Variants in FBXO41 observed in about 807,000 individuals in gnomAD.
FBXO41 encodes the protein F-box only protein 41.
FBXO41 carries 33 observed loss-of-function variants against 81.6 expected under a neutral mutation model. The ratio of observed to expected loss-of-function variants is 0.40; its 90% CI spans 0.31 to 0.54. The LOEUF (loss-of-function observed/expected upper bound fraction) is 0.54, where lower values mean the gene tolerates loss of function less well. Ranked by LOEUF, FBXO41 falls within the 20% of genes least tolerant of loss-of-function variation. The pLI, the probability that FBXO41 is intolerant of heterozygous loss-of-function variation, is 0.39. For missense variants in FBXO41, 1,107 were observed against 1,236.0 expected (o/e 0.90, Z 1.56); for synonymous variants, 576 against 552.7 (o/e 1.04, Z -0.59).
intron 1 of FBXO41, among the ~76,000 whole-genome samples, chr2:73,277,120 G>A (rs982061516): frequency 6.6e-6 from 1 of 152,212 alleles, no homozygotes; most frequent in African/African-American, 2.4e-5. Context: ...AGGGGAAGGG[G>A]AAAGTCTGGG....
rs76746587 is a variant in FBXO41 at position 73,280,645 on chromosome 2, T to G, written c.-139+3515A>C. On this transcript the variant is annotated intron_variant, in intron 1 of 12. Transcript: ENST00000520530. ...CTGAATTCTGCAGGCCCAGCTCAAATGCTACCTTTTCCATCAAGCCTTCCT... is the reference window on the plus strand; with the variant it reads ...CTGAATTCTGCAGGCCCAGCTCAAAGGCTACCTTTTCCATCAAGCCTTCCT... Among the ~76,000 whole-genome samples the G allele has an allele frequency of 2.6e-4, 39 of 152,356 alleles. 1 individual carries two copies. In the East Asian group the frequency reaches 7.5e-3, roughly 29 times the overall value.
intron 9 of FBXO41, among the ~76,000 whole-genome samples, chr2:73,261,705 A>C (rs1688027826): frequency 6.6e-6 from 1 of 152,210 alleles, no homozygotes; most frequent in African/African-American, 2.4e-5. Flanking sequence ...ATGCAAAAAA[A>C]CCTAAATTCC....
chr2:73,255,804 G>A lies in FBXO41; in HGVS notation c.*3178C>T, dbSNP rs1415452806. Reference sequence around the variant, plus strand: ...TGGAGTAGCAGGCCTTGGGAAGGAGGACTTTTTTTTGTTTTTCTCTTTTGA... The same window carrying A: ...TGGAGTAGCAGGCCTTGGGAAGGAGAACTTTTTTTTGTTTTTCTCTTTTGA... On this transcript the variant is annotated 3_prime_UTR_variant, in exon 13 of 13. Coordinates refer to ENST00000520530, the MANE Select transcript of FBXO41 (RefSeq NM_001371389.2). 2 of 152,484 alleles carry A rather than the reference G, an allele frequency of 1.3e-5. No individual in the cohort carries two copies. Among genetic ancestry groups the A allele is most frequent in the African/African-American group, 4.8e-5 (2 of 41,428 alleles). The allele number at this position is 152,484 out of a possible 1,614,324, so 9.4% of individuals were successfully genotyped here.
intron 9 of FBXO41, among the ~76,000 whole-genome samples, chr2:73,262,589 C>T (rs1688057153): frequency 6.6e-6 from 1 of 152,228 alleles, no homozygotes; most frequent in Non-Finnish European, 1.5e-5. Flanking sequence ...CTTTGTGTAC[C>T]TGATCTCATT....
At chr2:73,274,241 A>G (rs1270132519) in intron 1 of FBXO41, among the ~76,000 whole-genome samples, 1 of 152,124 alleles carries the variant, frequency 6.6e-6, no homozygotes, top group Non-Finnish European at 1.5e-5. Context: ...TGGCTGTTTC[A>G]CTTGCATGTC....
intron 9 of FBXO41, among the ~76,000 whole-genome samples, chr2:73,262,903 G>A (rs550921083): frequency 5.1e-4 from 77 of 152,192 alleles, no homozygotes; most frequent in Admixed American, 7.8e-4. Context: ...GCACCACCAC[G>A]CTCGGCTAAT....
intron 1 of FBXO41, among the ~76,000 whole-genome samples, chr2:73,273,894 CCT>C (rs1283328325): frequency 2.0e-5 from 3 of 152,178 alleles, no homozygotes; most frequent in East Asian, 1.9e-4. Context: ...ACCCAGCACC[CCT>C]GTTTCCTTTG....
rs758797317 is a variant in FBXO41, at chr2:73,269,473, G to T, written c.158C>A (p.Ala53Asp). ...GGCAGCGGCGGCGGCGGCCGCGGCG[G>T]CGGCGGCGCCGTCGCAGATGCTGTT... ...KTNSICDGAA[A>D]AAAAAAAASG... is the part of the protein sequence containing the mutation. The change falls in exon 2 of 13, where the codon GCC (alanine) becomes GAC (aspartate). Residue 53 changes from alanine to aspartate, a missense_variant. Ala to Asp is a moderately radical substitution (Grantham distance 126, BLOSUM62 -2). This residue lies in a region of FBXO41 where 771 missense variants were observed against 789.2 expected (regional missense o/e 0.98). Transcript: ENST00000520530. The surrounding 1 kb of genome is among the most constrained non-coding windows in gnomAD (Gnocchi z 7.0). 3.9e-6 allele frequency: 5 copies of T among 1,274,360 alleles called. 1 individual carries two copies. The highest frequency in any genetic ancestry group is 2.3e-4 in the Middle Eastern group (1 of 4,350). The allele number at this position is 1,274,360 out of a possible 1,614,324, so 78.9% of individuals were successfully genotyped here.
chr2:73,282,075 A>G (rs183436938), intron 1 of FBXO41, among the ~76,000 whole-genome samples: 1 of 152,002 alleles, frequency 6.6e-6, no homozygotes, highest in Non-Finnish European at 1.5e-5. Flanking sequence ...GCTCACCCCA[A>G]CCTCTGCCTC....
In FBXO41 at chr2:73,264,063, A is replaced by G; in HGVS notation, c.1807-10T>C. 6.3e-7 allele frequency: 1 copy of G among 1,579,918 alleles called. No homozygotes were observed. Among genetic ancestry groups the G allele is most frequent in the Non-Finnish European group, 8.6e-7 (1 of 1,162,532 alleles). ...CCAGCATTGCCAGGAACTGTGGGGG[A>G]GGGGAAGGACATTTGGAGATGAAGG... On this transcript the variant is annotated splice_polypyrimidine_tract_variant and intron_variant, in intron 6 of 12. Coordinates refer to ENST00000520530, the MANE Select transcript of FBXO41 (RefSeq NM_001371389.2).
intron 5 of FBXO41, 66 bp from the exon 6 acceptor site, chr2:73,264,585 G>C: frequency 6.3e-7 from 1 of 1,595,940 alleles, no homozygotes. Flanking sequence ...ATGTGTGTGG[G>C]GAGCTGGGGC....
In FBXO41 at chr2:73,268,897, G is replaced by A. The variant is rs759674854; in HGVS notation, c.734C>T (p.Ala245Val). 1 of 1,550,432 alleles carries A rather than the reference G, an allele frequency of 6.4e-7. No homozygotes were observed. The highest frequency in any genetic ancestry group is 1.2e-5 in the South Asian group (1 of 84,330). Residue 245 changes from alanine to valine, a missense_variant, in exon 2 of 13, where the codon GCG (alanine) becomes GTG (valine). By Grantham distance (64) the Ala-to-Val change is moderately conservative (BLOSUM62 0). This residue lies in a region of FBXO41 where 771 missense variants were observed against 789.2 expected (regional missense o/e 0.98). Coordinates refer to ENST00000520530, the MANE Select transcript of FBXO41 (RefSeq NM_001371389.2). ...GRLQAELERK[A>V]AELETARQES... ...CTGCCGCGCAGTCTCCAGTTCGGCC[G>A]CCTTGCGCTCCAGCTCGGCCTGCAG...
chr2:73,264,290 A>G lies in FBXO41; in HGVS notation c.1794T>C (p.Arg598=). The stretch of plus-strand genomic sequence containing the variant: ...CAGGGGCAGGTACCTTGGAGCAGAC[A>G]CGGGCATTCTCAAGCAGCACCCTTG... ...VWTRVLLENA[R]VCSKFLAMLA... The change falls in exon 6 of 13, where the codon CGT becomes CGC. Residue 598 remains arginine (R), a synonymous_variant. Transcript: ENST00000520530. 2 of 1,613,448 alleles carry G rather than the reference A, an allele frequency of 1.2e-6. No individual in the cohort carries two copies. Among genetic ancestry groups the G allele is most frequent in the Non-Finnish European group, 1.7e-6 (2 of 1,179,880 alleles).
chr2:73,259,309 G>A lies in FBXO41; in HGVS notation c.2450-13C>T. 1 of 1,611,296 alleles carries A rather than the reference G, an allele frequency of 6.2e-7. No individual in the cohort carries two copies. Among genetic ancestry groups the A allele is most frequent in the South Asian group, 1.1e-5 (1 of 91,020 alleles). ...TTCCGGCAGATGCCTGAGAAAAGGT[G>A]AGCAAAGTAGGGGCGTGTTTGGCCT... On this transcript the variant is annotated splice_polypyrimidine_tract_variant and intron_variant, in intron 11 of 12. Transcript: ENST00000520530. This position sits in a 1 kb window ranked among gnomAD's most constrained non-coding sequence, Gnocchi z 4.2.
rs1688388096 is a variant in FBXO41 at position 73,269,040 on chromosome 2, G to A, written c.591C>T (p.Ala197=). 1.3e-6 allele frequency: 2 copies of A among 1,535,174 alleles called. No homozygotes were observed. Among genetic ancestry groups the A allele is most frequent in the African/African-American group, 2.8e-5 (2 of 72,658 alleles). The change falls in exon 2 of 13, where the codon GCC becomes GCT. Residue 197 remains alanine, a synonymous_variant. Transcript: ENST00000520530. This position sits in a 1 kb window ranked among gnomAD's most constrained non-coding sequence, Gnocchi z 7.0. ...SPASPSPADV[A]YEEGLARLKI... is the part of the protein sequence containing the mutation. ...TGAGGCGCGCCAGGCCCTCTTCGTA[G>A]GCCACATCAGCGGGTGAGGGGGACG... is the stretch of plus-strand genomic sequence containing the variant.
rs1574370831 is a variant in FBXO41 at position 73,255,704 on chromosome 2, C to T, written c.*3278G>A. The T allele has an allele frequency of 2.0e-5, 3 of 152,682 alleles. No individual in the cohort carries two copies. The East Asian group carries it at 5.8e-4, about 29-fold the overall frequency. 9.5% of individuals were successfully genotyped at this position (152,682 alleles called of 1,614,324 possible). A position where few individuals can be genotyped will look rare whatever the true frequency, so the allele number is the denominator to read the frequency against. On this transcript the variant is annotated 3_prime_UTR_variant, in exon 13 of 13. Transcript: ENST00000520530. ...GGATTGGGGCCCGGGTGACTCCCCA[C>T]TGGTGGCCCCAAAGATAAGAGACCA...
rs781054686 is a variant in FBXO41 at position 73,268,825 on chromosome 2, G to A, written c.806C>T (p.Ala269Val). 3 of 1,577,558 alleles carry A rather than the reference G, an allele frequency of 1.9e-6. No homozygotes were observed. The change falls in exon 2 of 13, where the codon GCG (alanine) becomes GTG (valine). Residue 269 changes from alanine (A) to valine (V), a missense_variant. By Grantham distance (64) the Ala-to-Val change is moderately conservative. Transcript: ENST00000520530. ...GTCCACCTGGCGGGAGAGCTCAGAC[G>A]CGCGCTCCTCCAGCTCCTCCTTCTC... ...GREKEELEER[A>V]SELSRQVDVS...
In FBXO41 at chr2:73,269,974, A is replaced by G. The variant is rs1243700321; in HGVS notation, c.-138-206T>C. The stretch of plus-strand genomic sequence containing the variant: ...CGAGAGAATGAGATAATCTGTTTTT[A>G]AAGGGGCAGGCGCGTAATCACTTTT... On this transcript the variant is annotated intron_variant, in intron 1 of 12. Transcript: ENST00000520530. This position sits in a 1 kb window ranked among gnomAD's most constrained non-coding sequence, Gnocchi z 7.0. 1.3e-5 allele frequency among the ~76,000 whole-genome samples: 2 copies of G among 152,280 alleles called. No homozygotes were observed. Among genetic ancestry groups the G allele is most frequent in the East Asian group, 3.9e-4 (2 of 5,178 alleles).
At chr2:73,274,952 C>G (rs1274753342) in intron 1 of FBXO41, among the ~76,000 whole-genome samples, 1 of 151,706 alleles carries the variant, frequency 6.6e-6, no homozygotes, top group African/African-American at 2.4e-5. Flanking sequence ...GCGATCTCAG[C>G]TCACTGCAGT....
Sources: allele counts gnomAD v4.1 joint callset (sites outside exome capture counted in the v4.1 genomes callset), GRCh38; gene constraint gnomAD v4.1.1; regional missense constraint gnomAD v4.1.1; non-coding constraint Gnocchi (gnomAD v3.1); transcripts MANE v1.5; gene names NCBI Gene and HGNC (gene_info 2026-07-23, HGNC 2026-07-21).